The following HTR4 variants were observed in gnomAD, a reference collection of about 807,000 sequenced individuals.
HTR4 encodes the protein 5-hydroxytryptamine receptor 4.
Under a neutral mutation model 36.8 loss-of-function variants are expected in HTR4, and 16 were observed. That is an observed-to-expected ratio of 0.43 (90% CI 0.29 to 0.66). The LOEUF (loss-of-function observed/expected upper bound fraction) is 0.66, where lower values mean the gene tolerates loss of function less well. Among genes scored for constraint, HTR4 ranks in the 30% least tolerant of loss-of-function variants. HTR4 has a pLI of 0.13. For missense variants in HTR4, 438 were observed against 490.9 expected (o/e 0.89, Z 1.02); for synonymous variants, 189 against 185.1 (o/e 1.02, Z -0.17).
At chr5:148,525,167 A>C (rs1758207334) in intron 4 of HTR4, among the ~76,000 whole-genome samples, 1 of 152,192 alleles carries the variant, frequency 6.6e-6, no homozygotes, top group African/African-American at 2.4e-5. Context: ...TCAGTCATTG[A>C]AAGAATCATG....
intron 5 of HTR4, among the ~76,000 whole-genome samples, chr5:148,469,586 C>T (rs1050076184): frequency 9.9e-5 from 15 of 152,164 alleles, no homozygotes; most frequent in South Asian, 8.3e-4. Flanking sequence ...AGTTCCTACA[C>T]GGGGGTTGTG....
intron 5 of HTR4, among the ~76,000 whole-genome samples, chr5:148,452,046 C>T (rs1754985890): frequency 6.6e-6 from 1 of 152,164 alleles, no homozygotes; most frequent in African/African-American, 2.4e-5. Context: ...CAAACAAATA[C>T]CATTCAGCTA....
chr5:148,481,704 T>C lies in HTR4; in HGVS notation c.*1499A>G. ...GAAAAAAAGAGAATATGATAAATAA[T>C]CCTGAGATGCTATTAAACCACAGCC... On this transcript the variant is annotated 3_prime_UTR_variant, in exon 7 of 7. Transcript: ENST00000377888. The C allele has an allele frequency of 6.9e-7, 1 of 1,457,402 alleles. No homozygotes were observed. 90.3% of individuals were successfully genotyped at this position (1,457,402 alleles called of 1,614,324 possible). A position where few individuals can be genotyped will look rare whatever the true frequency, so the allele number is the denominator to read the frequency against.
chr5:148,544,253 CTCTT>C (rs576106503), intron 4 of HTR4, among the ~76,000 whole-genome samples: 112 of 151,882 alleles, frequency 7.4e-4, no homozygotes, highest in Non-Finnish European at 1.3e-3. Context: ...CAATCTCTCT[CTCTT>C]TCTTTCTCTC....
At chr5:148,486,122 C>T (rs1466126004) in intron 6 of HTR4, among the ~76,000 whole-genome samples, 2 of 152,192 alleles carry the variant, frequency 1.3e-5, no homozygotes, top group Admixed American at 1.3e-4. Flanking sequence ...GGACTCACAA[C>T]GTCTCTCTCT....
intron 6 of HTR4, 159 bp downstream of exon 6, chr5:148,509,297 C>A: frequency 1.7e-6 from 1 of 582,068 alleles, no homozygotes; most frequent in South Asian, 2.5e-5. Flanking sequence ...AGTTCTTAAC[C>A]ATTGCTGTAT....
At chr5:148,551,604 A>G (rs1196679853) in intron 2 of HTR4, among the ~76,000 whole-genome samples, 1 of 152,214 alleles carries the variant, frequency 6.6e-6, no homozygotes, top group Non-Finnish European at 1.5e-5. Context: ...GTATAATAAA[A>G]TGTTCTTTTT....
chr5:148,520,693 G>A (rs750229802), intron 5 of HTR4, among the ~76,000 whole-genome samples: 1 of 152,084 alleles, frequency 6.6e-6, no homozygotes, highest in Non-Finnish European at 1.5e-5. Flanking sequence ...GATTAACAGG[G>A]GGCTTCATAC....
At chr5:148,620,483 C>G (rs908088385) in intron 2 of HTR4, among the ~76,000 whole-genome samples, 4 of 152,162 alleles carry the variant, frequency 2.6e-5, no homozygotes, top group African/African-American at 9.7e-5. Flanking sequence ...TATTTAACAC[C>G]TGTAATGTGG....
rs578006932 is a variant in HTR4, at chr5:148,462,349, C to A, written c.1077-11077G>T. On this transcript the variant is annotated intron_variant, in intron 5 of 5. Coordinates refer to the HTR4 transcript ENST00000521530. ...GAAAGAAGCGACATCACTATAGACACCATGGGCATTAAAGGGATAGTCAAG... is the reference window on the plus strand; with the variant it reads ...GAAAGAAGCGACATCACTATAGACAACATGGGCATTAAAGGGATAGTCAAG... Among the ~76,000 whole-genome samples the A allele has an allele frequency of 2.0e-5, 3 of 152,016 alleles. 1 individual carries two copies. In the East Asian group the frequency reaches 5.8e-4, roughly 29 times the overall value.
intron 4 of HTR4, among the ~76,000 whole-genome samples, chr5:148,525,505 C>T (rs1758226347): frequency 6.6e-6 from 1 of 152,010 alleles, no homozygotes; most frequent in African/African-American, 2.4e-5. Flanking sequence ...CTTTTCTAGC[C>T]TAGGGGTGAC....
At chr5:148,492,576 C>A (rs2113737809) in intron 6 of HTR4, among the ~76,000 whole-genome samples, 1 of 152,244 alleles carries the variant, frequency 6.6e-6, no homozygotes, top group South Asian at 2.1e-4. Flanking sequence ...AGATGTTTTA[C>A]CAAGATATGA....
intron 6 of HTR4, 98 bp downstream of exon 6, chr5:148,509,358 G>C: frequency 1.2e-6 from 1 of 859,346 alleles, no homozygotes; most frequent in Non-Finnish European, 1.8e-6. Flanking sequence ...CTCTATGCAG[G>C]TTTCAGGGAT....
intron 2 of HTR4, 111 bp downstream of exon 2, chr5:148,636,878 A>G (rs1753559737): frequency 1.5e-6 from 1 of 672,666 alleles, no homozygotes; most frequent in Admixed American, 2.7e-5. Context: ...TGAAACATCA[A>G]AGAAAATCCA....
chr5:148,536,017 C>A (rs1758804947), intron 4 of HTR4, among the ~76,000 whole-genome samples: 1 of 152,100 alleles, frequency 6.6e-6, no homozygotes, highest in Non-Finnish European at 1.5e-5. Flanking sequence ...AAAGGGAACA[C>A]CATTAGTCTG....
chr5:148,516,627 C>CTTTTT (rs3041922), intron 5 of HTR4, among the ~76,000 whole-genome samples: 2,864 of 143,524 alleles, frequency 0.02, 113 homozygotes, highest in African/African-American at 0.07. Context: ...CAAAAATTCC[C>CTTTTT]TTTTTTTTTT....
At chr5:148,484,348 C>T in intron 6 of HTR4, 1 of 1,612,814 alleles carries the variant, frequency 6.2e-7, no homozygotes, top group South Asian at 1.1e-5. Context: ...CAATACCTTG[C>T]TAAAATGTCT....
At chr5:148,518,623 A>C (rs745991775) in intron 5 of HTR4, among the ~76,000 whole-genome samples, 17 of 152,122 alleles carry the variant, frequency 1.1e-4, no homozygotes, top group Non-Finnish European at 2.5e-4. Context: ...CCAAACCCTC[A>C]AAAGCTTCTT....
At chr5:148,549,228 G>C (rs577346931) in intron 3 of HTR4, among the ~76,000 whole-genome samples, 13 of 152,250 alleles carry the variant, frequency 8.5e-5, no homozygotes, top group Non-Finnish European at 1.8e-4. Flanking sequence ...TCCAACGGTT[G>C]CCTGGTTAAT....
Sources: allele counts gnomAD v4.1 joint callset (sites outside exome capture counted in the v4.1 genomes callset), GRCh38; gene constraint gnomAD v4.1.1; transcripts MANE v1.5; gene names NCBI Gene and HGNC (gene_info 2026-07-23, HGNC 2026-07-21).